DLG2: variants seen among roughly 807,000 people sequenced by gnomAD.
DLG2 encodes the protein disks large homolog 2.
In DLG2, 45 loss-of-function variants were observed where a neutral mutation model predicts 132.5. The ratio of observed to expected loss-of-function variants is 0.34; its 90% CI spans 0.27 to 0.44. The LOEUF (loss-of-function observed/expected upper bound fraction) is 0.44. Ranked by LOEUF, DLG2 falls within the 20% of genes least tolerant of loss-of-function variation. The pLI is 1.00. For missense variants in DLG2, 1,045 were observed against 1,196.9 expected, an observed-to-expected ratio of 0.87 and a Z score of 1.87; for synonymous variants, 424 against 419.6, an observed-to-expected ratio of 1.01 and a Z score of -0.13.
intron 3 of DLG2, among the ~76,000 whole-genome samples, chr11:85,360,146 A>G (rs937450599): frequency 1.3e-5 from 2 of 152,332 alleles, no homozygotes; most frequent in African/African-American, 4.8e-5. Context: ...CTCCTGTGGT[A>G]TGATTTTTAA....
intron 11 of DLG2, among the ~76,000 whole-genome samples, chr11:84,033,071 G>A (rs537337463): frequency 1.6e-4 from 24 of 152,168 alleles, no homozygotes; most frequent in Non-Finnish European, 3.1e-4. Flanking sequence ...AAACATTAAT[G>A]TTTTCATGTC....
intron 18 of DLG2, among the ~76,000 whole-genome samples, chr11:83,761,068 C>T (rs2093885315): frequency 6.6e-6 from 1 of 152,190 alleles, no homozygotes; most frequent in Non-Finnish European, 1.5e-5. Flanking sequence ...CCCTTCTTCA[C>T]TCTGATCTGT....
intron 3 of DLG2, among the ~76,000 whole-genome samples, chr11:85,406,245 T>G (rs1279484845): frequency 6.6e-6 from 1 of 150,806 alleles, no homozygotes; most frequent in Non-Finnish European, 1.5e-5. Context: ...ATTTAACAAA[T>G]TCTCTCTGAC....
chr11:85,620,229 C>G (rs2081605678), intron 2 of DLG2, among the ~76,000 whole-genome samples: 3 of 152,128 alleles, frequency 2.0e-5, no homozygotes, highest in Non-Finnish European at 4.4e-5. Flanking sequence ...CAAATCATAC[C>G]CACATAAGAC....
intron 9 of DLG2, among the ~76,000 whole-genome samples, chr11:84,154,487 C>G (rs2095381655): frequency 6.6e-6 from 1 of 152,160 alleles, no homozygotes. Flanking sequence ...GATGCAAATG[C>G]ACATTTACAT....
At chr11:84,547,742 C>T (rs939301140) in intron 6 of DLG2, among the ~76,000 whole-genome samples, 2 of 152,144 alleles carry the variant, frequency 1.3e-5, no homozygotes, top group African/African-American at 4.8e-5. Context: ...ATGTATGTCT[C>T]TGCCATTCTC....
At chr11:84,578,326 T>C (rs770573264) in intron 6 of DLG2, among the ~76,000 whole-genome samples, 2 of 152,176 alleles carry the variant, frequency 1.3e-5, no homozygotes, top group East Asian at 3.9e-4. Flanking sequence ...CACCGACAGC[T>C]TGCACTGTGT....
intron 12 of DLG2, among the ~76,000 whole-genome samples, chr11:83,976,668 C>T (rs1016397113): frequency 4.6e-5 from 7 of 151,834 alleles, no homozygotes; most frequent in East Asian, 3.9e-4. Context: ...TCTTTCATTT[C>T]CAGTTTCAAC....
chr11:84,130,505 T>TATATAC (rs1417958149), intron 9 of DLG2, among the ~76,000 whole-genome samples: 73 of 116,892 alleles, frequency 6.2e-4, no homozygotes, highest in African/African-American at 2.5e-3. Flanking sequence ...TATATATATA[T>TATATAC]ACACACACAC....
chr11:83,632,361 G>A (rs950568051), intron 19 of DLG2: 2 of 152,242 alleles, frequency 1.3e-5, no homozygotes, highest in African/African-American at 4.8e-5. Flanking sequence ...GCCAGAGTGG[G>A]GAGTGGAGAA....
At chr11:84,939,231 C>A (rs551724730) in intron 6 of DLG2, among the ~76,000 whole-genome samples, 15 of 152,058 alleles carry the variant, frequency 9.9e-5, no homozygotes, top group Admixed American at 2.6e-4. Flanking sequence ...AGATCATTTA[C>A]AACAACAGAT....
At chr11:83,827,611 A>T (rs2053253323) in intron 17 of DLG2, among the ~76,000 whole-genome samples, 1 of 152,176 alleles carries the variant, frequency 6.6e-6, no homozygotes. Flanking sequence ...TGAGCTTTGG[A>T]GTTAGCAAGT....
At chr11:85,151,782 A>C (rs757325476) in intron 5 of DLG2, among the ~76,000 whole-genome samples, 9 of 152,182 alleles carry the variant, frequency 5.9e-5, no homozygotes, top group Non-Finnish European at 1.0e-4. Flanking sequence ...CATCTTGATT[A>C]CTGTTGCTTT....
chr11:84,967,238 G>C (rs1340091539), intron 6 of DLG2, among the ~76,000 whole-genome samples: 1 of 151,978 alleles, frequency 6.6e-6, no homozygotes, highest in Non-Finnish European at 1.5e-5. Flanking sequence ...CAACTATCGG[G>C]AACACATCTT....
At chr11:85,523,283 A>G (rs1242156861) in intron 3 of DLG2, among the ~76,000 whole-genome samples, 3 of 152,170 alleles carry the variant, frequency 2.0e-5, no homozygotes, top group African/African-American at 7.2e-5. Context: ...CACCATGATT[A>G]TAAGTTTCCT....
At chr11:84,844,163 ATATAT>A (rs1275152231) in intron 6 of DLG2, among the ~76,000 whole-genome samples, 2 of 128,682 alleles carry the variant, frequency 1.6e-5, no homozygotes, top group East Asian at 4.5e-4. Context: ...ATATATATAT[ATATAT>A]ATATGTATCT....
At chr11:84,853,199 C>A (rs564808064) in intron 6 of DLG2, among the ~76,000 whole-genome samples, 21 of 151,922 alleles carry the variant, frequency 1.4e-4, no homozygotes, top group Non-Finnish European at 2.5e-4. Flanking sequence ...TCTGAATAAC[C>A]CTATTTGCTT....
intron 7 of DLG2, among the ~76,000 whole-genome samples, chr11:84,252,140 C>CTTTTTTTTTTTTT (rs1176873990): frequency 3.1e-5 from 2 of 65,338 alleles, no homozygotes; most frequent in Non-Finnish European, 5.4e-5. Context: ...TTCTTTCTTT[C>CTTTTTTTTTTTTT]TTTTTTTTTT....
At chr11:83,548,282 C>G (rs1027715059) in intron 19 of DLG2, among the ~76,000 whole-genome samples, 1 of 152,160 alleles carries the variant, frequency 6.6e-6, no homozygotes, top group South Asian at 2.1e-4. Context: ...GGTCAAGGGT[C>G]TTGAGATGGG....
Sources: allele counts gnomAD v4.1 joint callset (sites outside exome capture counted in the v4.1 genomes callset), GRCh38; gene constraint gnomAD v4.1.1; transcripts MANE v1.5; gene names NCBI Gene and HGNC (gene_info 2026-07-23, HGNC 2026-07-21).